CATSPERE: variants seen among roughly 807,000 people sequenced by gnomAD.
CATSPERE encodes the protein cation channel sperm-associated auxiliary subunit epsilon.
In CATSPERE, 93 loss-of-function variants were observed where a neutral mutation model predicts 114.1. The ratio of observed to expected loss-of-function variants is 0.81; its 90% CI spans 0.69 to 0.97. The LOEUF (loss-of-function observed/expected upper bound fraction) is 0.97, where lower values mean the gene tolerates loss of function less well. CATSPERE is among the 50% of genes least tolerant of loss of function. The pLI is 0.00. For missense variants in CATSPERE, 1,058 were observed against 1,131.6 expected, an observed-to-expected ratio of 0.93 and a Z score of 0.93; for synonymous variants, 341 against 384.1, an observed-to-expected ratio of 0.89 and a Z score of 1.31.
At chr1:244,522,642 A>G (rs1028221299) in intron 8 of CATSPERE, among the ~76,000 whole-genome samples, 7 of 152,198 alleles carry the variant, frequency 4.6e-5, no homozygotes, top group African/African-American at 1.7e-4. Flanking sequence ...ATAAAAAATG[A>G]TAAAGGGGAT....
chr1:244,638,272 T>G (rs1674889954), intron 21 of CATSPERE, among the ~76,000 whole-genome samples: 2 of 152,254 alleles, frequency 1.3e-5, no homozygotes, highest in Non-Finnish European at 1.5e-5. Context: ...TACAATAGCT[T>G]TGGCCTTCAT....
At chr1:244,623,889 T>G (rs927123691) in intron 20 of CATSPERE, among the ~76,000 whole-genome samples, 1 of 152,226 alleles carries the variant, frequency 6.6e-6, no homozygotes. Flanking sequence ...TTTTTGTTGA[T>G]GGAGGGTCTT....
chr1:244,514,469 G>A (rs1048050745), intron 7 of CATSPERE, among the ~76,000 whole-genome samples: 5 of 152,182 alleles, frequency 3.3e-5, no homozygotes, highest in Admixed American at 2.0e-4. Context: ...TGTTCTGGTT[G>A]TGGTGGTAAT....
intron 7 of CATSPERE, among the ~76,000 whole-genome samples, chr1:244,516,344 T>C (rs1676613699): frequency 6.6e-6 from 1 of 151,910 alleles, no homozygotes; most frequent in South Asian, 2.1e-4. Context: ...GTTTTGTTTG[T>C]TTGTTTGTTT....
At chr1:244,587,585 T>C (rs759963170) in intron 13 of CATSPERE, among the ~76,000 whole-genome samples, 7 of 152,260 alleles carry the variant, frequency 4.6e-5, no homozygotes, top group Non-Finnish European at 8.8e-5. Context: ...AAAGCACGTA[T>C]GTGCATTTCT....
At chr1:244,565,738 T>G (rs935941385) in intron 10 of CATSPERE, among the ~76,000 whole-genome samples, 4 of 152,108 alleles carry the variant, frequency 2.6e-5, no homozygotes, top group Admixed American at 2.6e-4. Flanking sequence ...TTTCATAGAT[T>G]CATAGATTCA....
intron 8 of CATSPERE, 92 bp downstream of exon 8, chr1:244,518,790 A>G: frequency 1.5e-6 from 1 of 652,850 alleles, no homozygotes; most frequent in Non-Finnish European, 2.5e-6. Flanking sequence ...TGTGTCTTAT[A>G]TGTTATTTTC....
rs12738701 is a variant in CATSPERE, at chr1:244,530,981, G to A, written c.536+12283G>A. On this transcript the variant is annotated intron_variant, in intron 8 of 21. Coordinates refer to ENST00000366534, the MANE Select transcript of CATSPERE (RefSeq NM_001130957.2). ...ACAGTGGCTCACGCCTGTAATCCCA[G>A]CACTCTGGGAGGCCGAGGCAGGCAG... is the stretch of plus-strand genomic sequence containing the variant. 5.9e-5 allele frequency among the ~76,000 whole-genome samples: 9 copies of A among 152,106 alleles called. No homozygotes were observed. In the East Asian group the frequency reaches 1.7e-3, roughly 29 times the overall value.
intron 10 of CATSPERE, among the ~76,000 whole-genome samples, chr1:244,565,811 AG>A (rs1293682770): frequency 6.6e-6 from 1 of 152,144 alleles, no homozygotes; most frequent in Non-Finnish European, 1.5e-5. Flanking sequence ...GATTTTTTGA[AG>A]GGTTTTTCGT....
chr1:244,590,074 G>C, intron 14 of CATSPERE, among the ~76,000 whole-genome samples: 1 of 152,178 alleles, frequency 6.6e-6, no homozygotes, highest in East Asian at 1.9e-4. Context: ...TTTGTGTTCA[G>C]GGTGAGGGAT....
At position 244,568,424 on chromosome 1, in the gene CATSPERE, T is replaced by C. The variant is rs1663926041; in HGVS notation, c.1508-3906T>C. Among the ~76,000 whole-genome samples the C allele has an allele frequency of 2.0e-5, 3 of 152,350 alleles. No individual in the cohort carries two copies. The South Asian group carries it at 6.2e-4, about 32-fold the overall frequency. The stretch of plus-strand genomic sequence containing the variant: ...GCTGGCTCACAGGAACGTTTAAGTC[T>C]GCTGAAGCTGCGCCCAGGGCCACCC... On this transcript the variant is annotated intron_variant, in intron 10 of 21. Coordinates refer to ENST00000366534, the MANE Select transcript of CATSPERE (RefSeq NM_001130957.2). The surrounding 1 kb of genome is among the most constrained non-coding windows in gnomAD (Gnocchi z 4.4).
chr1:244,480,723 C>T (rs1289462150), intron 5 of CATSPERE, among the ~76,000 whole-genome samples: 2 of 100,770 alleles, frequency 2.0e-5, no homozygotes, highest in Non-Finnish European at 4.4e-5. Context: ...GATTGGACAT[C>T]CTGAGCTAGA....
Position 244,572,371 on chromosome 1 carries a change from A to G in CATSPERE, c.1549A>G (p.Ile517Val). The change falls in exon 11 of 22, where the codon ATA becomes GTA. Residue 517 changes from isoleucine (I) to valine (V), a missense_variant. Ile to Val is a conservative substitution (Grantham distance 29, BLOSUM62 3). Transcript: ENST00000366534. The part of the protein sequence containing the change: ...DILVKMENNV[I>V]FYSKINTRDA... ...TTTGGTAAAAATGGAAAATAATGTA[A>G]TATTTTATTCCAAGATTAATACTAG... is the stretch of plus-strand genomic sequence containing the variant. The G allele has an allele frequency of 6.6e-7, 1 of 1,519,240 alleles. No homozygotes were observed. Among genetic ancestry groups the G allele is most frequent in the Non-Finnish European group, 9.1e-7 (1 of 1,102,410 alleles). 94.1% of individuals were successfully genotyped at this position (1,519,240 alleles called of 1,614,324 possible).
chr1:244,582,735 C>G (rs1013308078), intron 12 of CATSPERE, among the ~76,000 whole-genome samples: 14 of 152,034 alleles, frequency 9.2e-5, no homozygotes, highest in African/African-American at 3.4e-4. Context: ...TGGTGCTACT[C>G]CAAGTGAGTT....
chr1:244,587,826 G>A (rs1454130672), intron 13 of CATSPERE, among the ~76,000 whole-genome samples: 1 of 152,186 alleles, frequency 6.6e-6, no homozygotes, highest in Non-Finnish European at 1.5e-5. Context: ...ACAGATTATA[G>A]AAACCTGCCA....
chr1:244,582,672 G>T (rs1475299788), intron 12 of CATSPERE, among the ~76,000 whole-genome samples: 2 of 152,058 alleles, frequency 1.3e-5, no homozygotes, highest in African/African-American at 4.8e-5. Context: ...AGAGTGCTGG[G>T]ATTACAGGCA....
At chr1:244,474,147 T>C (rs955101989) in intron 2 of CATSPERE, among the ~76,000 whole-genome samples, 2 of 152,144 alleles carry the variant, frequency 1.3e-5, no homozygotes, top group Non-Finnish European at 2.9e-5. Flanking sequence ...TTCTCTTGCC[T>C]GAGCCTCCTG....
intron 6 of CATSPERE, among the ~76,000 whole-genome samples, chr1:244,496,014 G>A (rs1673031157): frequency 6.6e-6 from 1 of 152,196 alleles, no homozygotes; most frequent in South Asian, 2.1e-4. Flanking sequence ...TGACCTTGCT[G>A]AGTTTTGATT....
At position 244,635,508 on chromosome 1, in the gene CATSPERE, A is replaced by G. The variant is rs746028151; in HGVS notation, c.2668A>G (p.Met890Val). The change falls in exon 21 of 22, where the codon ATG becomes GTG. Residue 890 changes from methionine to valine, a missense_variant. By Grantham distance (21) the Met-to-Val change is conservative. This residue lies in a region of CATSPERE where 787 missense variants were observed against 905.6 expected (regional missense o/e 0.87). Transcript: ENST00000366534. ...TTGCAGTTTCTGTAACCTAACAGCTATGTTTGCAATAGAGACATTTGGACT... is the reference window on the plus strand; with the variant it reads ...TTGCAGTTTCTGTAACCTAACAGCTGTGTTTGCAATAGAGACATTTGGACT... Reference protein sequence around the residue: ...PNYSFCNLTAMFAIETFGLIP... With the variant: ...PNYSFCNLTAVFAIETFGLIP... 5 of 1,612,650 alleles carry G rather than the reference A, an allele frequency of 3.1e-6. No individual in the cohort carries two copies. The highest frequency in any genetic ancestry group is 2.7e-5 in the African/African-American group (2 of 74,862).
Sources: allele counts gnomAD v4.1 joint callset (sites outside exome capture counted in the v4.1 genomes callset), GRCh38; gene constraint gnomAD v4.1.1; regional missense constraint gnomAD v4.1.1; non-coding constraint Gnocchi (gnomAD v3.1); transcripts MANE v1.5; gene names NCBI Gene and HGNC (gene_info 2026-07-23, HGNC 2026-07-21).